The following NTM variants were observed in gnomAD, a reference collection of about 807,000 sequenced individuals.
The protein encoded by NTM is IgLON family member 2.
In NTM, 13 loss-of-function variants were observed where a neutral mutation model predicts 42.1. That is an observed-to-expected ratio of 0.31 (90% confidence interval 0.20 to 0.49). NTM has a LOEUF of 0.49. Among genes scored for constraint, NTM ranks in the 20% least tolerant of loss-of-function variants. The pLI is 0.99. For synonymous variants in NTM, 187 were observed against 179.2 expected, an observed-to-expected ratio of 1.04 and a Z score of -0.35; for missense variants, 373 against 452.8, an observed-to-expected ratio of 0.82 and a Z score of 1.60.
At chr11:132,234,552 A>G (rs865937115) in intron 4 of NTM, among the ~76,000 whole-genome samples, 1 of 152,124 alleles carries the variant, frequency 6.6e-6, no homozygotes, top group Non-Finnish European at 1.5e-5. Context: ...AATGAGCCCT[A>G]CTCAATTTAC....
chr11:132,087,130 C>T (rs1002060765), intron 2 of NTM, among the ~76,000 whole-genome samples: 3 of 151,978 alleles, frequency 2.0e-5, no homozygotes, highest in African/African-American at 7.3e-5. Context: ...AAAAAACGTC[C>T]TTTTTCCTTC....
chr11:132,085,700 G>A (rs11533200), intron 2 of NTM, among the ~76,000 whole-genome samples: 38,953 of 151,906 alleles, frequency 0.26, 5,165 homozygotes, highest in Non-Finnish European at 0.3. Flanking sequence ...TAGATATCAT[G>A]CACATCACAT....
intron 1 of NTM, among the ~76,000 whole-genome samples, chr11:131,513,289 A>T (rs756085954): frequency 6.6e-6 from 1 of 152,182 alleles, no homozygotes; most frequent in African/African-American, 2.4e-5. Flanking sequence ...CTTCACCCAC[A>T]GTTTGGAGGA....
chr11:131,393,772 A>T (rs1448249790), intron 1 of NTM, among the ~76,000 whole-genome samples: 1 of 152,196 alleles, frequency 6.6e-6, no homozygotes, highest in Non-Finnish European at 1.5e-5. Context: ...CATGTGCCAG[A>T]TCTTATCCCT....
At chr11:131,390,177 G>T (rs142012733) in intron 1 of NTM, among the ~76,000 whole-genome samples, 1 of 152,168 alleles carries the variant, frequency 6.6e-6, no homozygotes, top group Admixed American at 6.5e-5. Context: ...GAGAAGGGGC[G>T]CTTTCATGTC....
At position 131,664,006 on chromosome 11, in the gene NTM, G is replaced by C. The variant is rs189533386; in HGVS notation, c.83-247558G>C. On this transcript the variant is annotated intron_variant, in intron 1 of 8. Transcript: ENST00000683400. ...GGGATGAAAATTCTATCCCAAAAGA[G>C]CAGAAGGTGACAGGAAAGGAAAGTC... 7.4e-4 allele frequency among the ~76,000 whole-genome samples: 113 copies of C among 152,310 alleles called. 1 individual carries two copies. The highest frequency in any genetic ancestry group is 7.3e-3 in the Admixed American group (112 of 15,308).
At chr11:131,391,060 C>T (rs1943932735) in intron 1 of NTM, among the ~76,000 whole-genome samples, 3 of 152,154 alleles carry the variant, frequency 2.0e-5, no homozygotes, top group Admixed American at 1.3e-4. Flanking sequence ...CGGGGAAAGG[C>T]ACACTTACTA....
intron 4 of NTM, among the ~76,000 whole-genome samples, chr11:132,296,779 T>C (rs1259515743): frequency 6.6e-6 from 1 of 152,182 alleles, no homozygotes; most frequent in Non-Finnish European, 1.5e-5. Flanking sequence ...CGTCTTTTTA[T>C]AGATTTCATG....
intron 2 of NTM, among the ~76,000 whole-genome samples, chr11:132,088,217 C>G (rs890758738): frequency 6.6e-6 from 1 of 152,092 alleles, no homozygotes; most frequent in African/African-American, 2.4e-5. Context: ...GGATTGAGGC[C>G]AACATTCCCG....
intron 4 of NTM, among the ~76,000 whole-genome samples, chr11:132,276,329 C>G (rs1591682006): frequency 6.6e-6 from 1 of 152,024 alleles, no homozygotes; most frequent in African/African-American, 2.4e-5. Context: ...CTTTGACATG[C>G]TGATTTCATT....
intron 1 of NTM, among the ~76,000 whole-genome samples, chr11:131,627,806 GGACGACAGAGTAA>G (rs1376420130): frequency 6.6e-6 from 1 of 152,090 alleles, no homozygotes; most frequent in Non-Finnish European, 1.5e-5. Flanking sequence ...ATTCCAGCTT[GGACGACAGAGTAA>G]GACTCTGTCT....
At chr11:132,292,716 A>G (rs867248545) in intron 4 of NTM, among the ~76,000 whole-genome samples, 2 of 146,008 alleles carry the variant, frequency 1.4e-5, no homozygotes, top group Middle Eastern at 3.4e-3. Context: ...GAAGGAGTTG[A>G]GAGTATTTTC....
intron 1 of NTM, among the ~76,000 whole-genome samples, chr11:131,565,644 A>T (rs1017207356): frequency 1.3e-5 from 2 of 152,152 alleles, no homozygotes; most frequent in Non-Finnish European, 2.9e-5. Context: ...AAGTGCCTTT[A>T]TGTTCTCCAT....
At chr11:132,322,076 G>A (rs912748929) in intron 7 of NTM, among the ~76,000 whole-genome samples, 1 of 151,772 alleles carries the variant, frequency 6.6e-6, no homozygotes, top group African/African-American at 2.4e-5. Context: ...GCAAAAACAG[G>A]CCAAAATGTA....
intron 2 of NTM, among the ~76,000 whole-genome samples, chr11:132,115,547 C>T (rs1402834318): frequency 7.2e-5 from 11 of 152,120 alleles, no homozygotes; most frequent in Admixed American, 2.0e-4. Context: ...GTCAGGAACA[C>T]ACAAACTTCC....
chr11:131,923,389 A>G (rs1432859131), intron 2 of NTM, among the ~76,000 whole-genome samples: 1 of 152,196 alleles, frequency 6.6e-6, no homozygotes, highest in East Asian at 1.9e-4. Context: ...GAAATTATTT[A>G]TCTTTTACTA....
intron 1 of NTM, among the ~76,000 whole-genome samples, chr11:131,426,380 C>T (rs1948139127): frequency 6.6e-6 from 1 of 152,138 alleles, no homozygotes; most frequent in African/African-American, 2.4e-5. Flanking sequence ...CCCACAAGGG[C>T]ACGACCCTGA....
intron 1 of NTM, among the ~76,000 whole-genome samples, chr11:131,409,187 TGAAGC>T (rs1335607845): frequency 2.6e-5 from 4 of 152,298 alleles, no homozygotes; most frequent in Admixed American, 2.6e-4. Flanking sequence ...ATACTAACTG[TGAAGC>T]GAAATCTAGT....
At chr11:131,836,093 T>C (rs983798522) in intron 1 of NTM, among the ~76,000 whole-genome samples, 2 of 152,206 alleles carry the variant, frequency 1.3e-5, no homozygotes, top group Non-Finnish European at 2.9e-5. Flanking sequence ...GTACAGGTCA[T>C]TTTCAATTTC....
Sources: gnomAD v4.1 joint callset for allele counts (sites outside exome capture counted in the v4.1 genomes callset) on GRCh38, gnomAD v4.1.1 for gene constraint, MANE v1.5 for transcripts, NCBI Gene and HGNC (gene_info 2026-07-23, HGNC 2026-07-21) for gene names.